MAP7: variants seen among roughly 807,000 people sequenced by gnomAD.
MAP7 encodes ensconsin.
In MAP7, 52 loss-of-function variants were observed where a neutral mutation model predicts 94.8. The ratio of observed to expected loss-of-function variants is 0.55; its 90% CI spans 0.44 to 0.69. MAP7 has a LOEUF of 0.69. MAP7 is among the 30% of genes least tolerant of loss of function. The pLI, the probability that MAP7 is intolerant of heterozygous loss-of-function variation, is 0.00. For missense variants in MAP7, 940 were observed against 964.6 expected, an observed-to-expected ratio of 0.97 and a Z score of 0.34; for synonymous variants, 350 against 357.0, an observed-to-expected ratio of 0.98 and a Z score of 0.22.
Position 136,514,168 on chromosome 6 carries a change from T to C in MAP7, c.67+36174A>G, listed in dbSNP as rs1258484159. ...TGCCCAGATCCATCAGAGGAATCAC[T>C]ACCTATGGCAGCCATAACCTTACAA... is the stretch of plus-strand genomic sequence containing the variant. On this transcript the variant is annotated intron_variant, in intron 1 of 17. Transcript: ENST00000354570. Among the ~76,000 whole-genome samples, 13 of 152,342 alleles carry C rather than the reference T, an allele frequency of 8.5e-5. No individual in the cohort carries two copies. In the East Asian group the frequency reaches 2.5e-3, roughly 29 times the overall value.
intron 2 of MAP7, chr6:136,420,506 G>T: frequency 2.9e-6 from 1 of 341,626 alleles, no homozygotes; most frequent in Admixed American, 4.4e-5. Flanking sequence ...ACTAGAATAA[G>T]CTGCGTGGGG....
chr6:136,398,137 C>G (rs1367263126), intron 3 of MAP7, among the ~76,000 whole-genome samples: 1 of 152,158 alleles, frequency 6.6e-6, no homozygotes, highest in Non-Finnish European at 1.5e-5. Context: ...CACAGTGATG[C>G]TGTACAAAAA....
intron 1 of MAP7, among the ~76,000 whole-genome samples, chr6:136,534,777 C>A (rs1446921116): frequency 1.3e-5 from 2 of 152,206 alleles, no homozygotes; most frequent in East Asian, 3.9e-4. Flanking sequence ...AGCTTAAAAG[C>A]ATTATCAAAT....
intron 16 of MAP7, among the ~76,000 whole-genome samples, chr6:136,354,871 G>A (rs1790425558): frequency 6.6e-6 from 1 of 152,160 alleles, no homozygotes; most frequent in Non-Finnish European, 1.5e-5. Flanking sequence ...TACTACTGAA[G>A]AGAGTCAAAT....
chr6:136,459,316 A>C (rs1290591289), intron 1 of MAP7, among the ~76,000 whole-genome samples: 1 of 152,134 alleles, frequency 6.6e-6, no homozygotes, highest in East Asian at 1.9e-4. Flanking sequence ...CTGAGAATGA[A>C]AAATGGTGCA....
rs1583086978 is a variant in MAP7, at chr6:136,504,762, C to A, written c.67+45580G>T. Among the ~76,000 whole-genome samples the A allele has an allele frequency of 2.0e-5, 3 of 152,352 alleles. No homozygotes were observed. In the East Asian group the frequency reaches 5.8e-4, roughly 29 times the overall value. Reference sequence around the variant, plus strand: ...GTGGCACAATCTCGGCCCAATGCAACCTCTGCCTCCCAGGTTCAAGCGATT... The same window carrying A: ...GTGGCACAATCTCGGCCCAATGCAAACTCTGCCTCCCAGGTTCAAGCGATT... On this transcript the variant is annotated intron_variant, in intron 1 of 17. Coordinates refer to ENST00000354570, the MANE Select transcript of MAP7 (RefSeq NM_003980.6).
At chr6:136,459,325 C>T (rs529100681) in intron 1 of MAP7, among the ~76,000 whole-genome samples, 84 of 152,132 alleles carry the variant, frequency 5.5e-4, no homozygotes, top group African/African-American at 2.0e-3. Flanking sequence ...AAAAATGGTG[C>T]AGCCACTATG....
intron 1 of MAP7, among the ~76,000 whole-genome samples, chr6:136,547,502 C>T (rs559813801): frequency 2.0e-5 from 3 of 151,954 alleles, no homozygotes; most frequent in Non-Finnish European, 4.4e-5. Context: ...CATCGTAGGT[C>T]GACTACTCAA....
chr6:136,499,856 C>T (rs1374575221), intron 1 of MAP7, among the ~76,000 whole-genome samples: 1 of 151,986 alleles, frequency 6.6e-6, no homozygotes, highest in African/African-American at 2.4e-5. Context: ...ATGAGCTGGG[C>T]ATGGTGGCAC....
chr6:136,413,525 G>GA (rs61053216), intron 2 of MAP7, among the ~76,000 whole-genome samples: 2,634 of 105,208 alleles, frequency 0.025, 70 homozygotes, highest in African/African-American at 0.073. Context: ...CACCGTCTCA[G>GA]AAAAAAAAAA....
intron 16 of MAP7, among the ~76,000 whole-genome samples, chr6:136,352,178 T>C (rs991879145): frequency 6.8e-6 from 1 of 147,424 alleles, no homozygotes; most frequent in Non-Finnish European, 1.5e-5. Flanking sequence ...GCTCCTTGTA[T>C]CTGCTATTCG....
chr6:136,414,781 G>T (rs986689654), intron 2 of MAP7, among the ~76,000 whole-genome samples: 2 of 150,336 alleles, frequency 1.3e-5, no homozygotes, highest in Admixed American at 6.6e-5. Flanking sequence ...AGCTGAGACT[G>T]CAGGTGTGCA....
At chr6:136,383,569 G>T (rs898105858) in intron 6 of MAP7, 102 bp downstream of exon 6, 4 of 597,630 alleles carry the variant, frequency 6.7e-6, no homozygotes, top group African/African-American at 3.9e-5. Flanking sequence ...TTTAAGAAAC[G>T]TAGGGAAAGC....
chr6:136,448,718 A>G (rs960682660), intron 1 of MAP7, among the ~76,000 whole-genome samples: 2 of 152,158 alleles, frequency 1.3e-5, no homozygotes, highest in East Asian at 3.9e-4. Context: ...AGCAATGCCT[A>G]TGAATTCTTA....
At chr6:136,386,862 G>A (rs1467208613) in intron 5 of MAP7, among the ~76,000 whole-genome samples, 2 of 152,200 alleles carry the variant, frequency 1.3e-5, no homozygotes, top group African/African-American at 2.4e-5. Context: ...CTAGGCTGGA[G>A]TGCAAAGGCA....
At chr6:136,407,702 G>A (rs1179684137) in intron 3 of MAP7, among the ~76,000 whole-genome samples, 1 of 152,132 alleles carries the variant, frequency 6.6e-6, no homozygotes. Context: ...CTGACCACTG[G>A]GTAGCTACAA....
chr6:136,371,978 C>T (rs1484515943), intron 8 of MAP7, among the ~76,000 whole-genome samples: 5 of 152,170 alleles, frequency 3.3e-5, no homozygotes, highest in Non-Finnish European at 1.5e-5. Context: ...CTAATGTTTT[C>T]AAAATACTTT....
At chr6:136,397,866 C>T (rs1474616) in intron 3 of MAP7, among the ~76,000 whole-genome samples, 134,576 of 152,260 alleles carry the variant, frequency 0.88, 59,732 homozygotes, top group African/African-American at 0.96. Context: ...GAGGCAGCTC[C>T]GTAAAAGAAC....
chr6:136,453,505 A>C (rs1035863000), intron 1 of MAP7, among the ~76,000 whole-genome samples: 13 of 152,234 alleles, frequency 8.5e-5, no homozygotes, highest in Non-Finnish European at 1.5e-4. Flanking sequence ...AATCTAGTGA[A>C]TGTTCAGTGA....
Sources: allele counts gnomAD v4.1 joint callset (sites outside exome capture counted in the v4.1 genomes callset), GRCh38; gene constraint gnomAD v4.1.1; transcripts MANE v1.5; gene names NCBI Gene and HGNC (gene_info 2026-07-23, HGNC 2026-07-21).